Variants in GRID2 observed in about 807,000 individuals in gnomAD.
GRID2 encodes the protein glutamate receptor ionotropic, delta-2.
GRID2 carries 33 observed loss-of-function variants against 114.8 expected under a neutral mutation model. That is an observed-to-expected ratio of 0.29 (90% CI 0.22 to 0.38). The LOEUF (loss-of-function observed/expected upper bound fraction) is 0.38. Ranked by LOEUF, GRID2 falls within the 10% of genes least tolerant of loss-of-function variation. The pLI, the probability that GRID2 is intolerant of heterozygous loss-of-function variation, is 1.00. For missense variants in GRID2, 1,184 were observed against 1,257.7 expected (o/e 0.94, Z 0.89); for synonymous variants, 505 against 449.9 (o/e 1.12, Z -1.55).
chr4:93,763,127 T>A (rs544532564), intron 14 of GRID2, among the ~76,000 whole-genome samples: 1 of 152,212 alleles, frequency 6.6e-6, no homozygotes, highest in East Asian at 1.9e-4. Flanking sequence ...CAAAGCGAAT[T>A]CAAGGACCTG....
chr4:93,739,631 G>A (rs956218019), intron 14 of GRID2, among the ~76,000 whole-genome samples: 1 of 152,088 alleles, frequency 6.6e-6, no homozygotes, highest in African/African-American at 2.4e-5. Context: ...AGGAAAAGTT[G>A]CCACTATCCA....
intron 14 of GRID2, among the ~76,000 whole-genome samples, chr4:93,740,942 AG>A (rs1209868261): frequency 1.3e-5 from 2 of 151,342 alleles, no homozygotes; most frequent in Non-Finnish European, 2.9e-5. Flanking sequence ...CTTACCTGCA[AG>A]GAGTATTATG....
chr4:92,470,141 A>G (rs916038099), intron 1 of GRID2, among the ~76,000 whole-genome samples: 4 of 151,964 alleles, frequency 2.6e-5, no homozygotes, highest in African/African-American at 7.2e-5. Context: ...AAGAAAATAA[A>G]TAGGAGACTA....
intron 8 of GRID2, among the ~76,000 whole-genome samples, chr4:93,278,279 AC>A (rs1216120090): frequency 1.3e-5 from 2 of 151,348 alleles, no homozygotes; most frequent in Non-Finnish European, 2.9e-5. Flanking sequence ...AAAAAAAAAA[AC>A]ATGTTATTCG....
chr4:92,651,446 C>T (rs928131003), intron 2 of GRID2, among the ~76,000 whole-genome samples: 5 of 152,028 alleles, frequency 3.3e-5, no homozygotes, highest in Non-Finnish European at 5.9e-5. Context: ...TATTGGATGA[C>T]GATAGGAGTG....
rs530983130 is a variant in GRID2, at chr4:92,879,975, A to AT, written c.245-205012dup. 4.5e-4 allele frequency among the ~76,000 whole-genome samples: 68 copies of AT among 152,132 alleles called. No homozygotes were observed. In the East Asian group the frequency reaches 6.9e-3, roughly 16 times the overall value. On this transcript the variant is annotated intron_variant, in intron 2 of 15. Transcript: ENST00000282020. ...AATAAAAGAAAATTGTGTATTTATA[A>AT]TTTTTTTTACCAAACAGAAAGTTCA...
chr4:92,658,791 GTGTATATATA>G (rs70942921), intron 2 of GRID2, among the ~76,000 whole-genome samples: 1,373 of 111,182 alleles, frequency 0.012, 40 homozygotes, highest in African/African-American at 0.037. Flanking sequence ...GTGTGTGTGT[GTGTATATATA>G]TATATATATA....
chr4:92,306,737 G>A (rs1725427476), intron 1 of GRID2, among the ~76,000 whole-genome samples: 1 of 152,130 alleles, frequency 6.6e-6, no homozygotes, highest in Admixed American at 6.5e-5. Flanking sequence ...CAAAACTGTT[G>A]TATTTTTTAG....
At chr4:93,285,092 G>T (rs1753008994) in intron 8 of GRID2, among the ~76,000 whole-genome samples, 1 of 152,026 alleles carries the variant, frequency 6.6e-6, no homozygotes, top group African/African-American at 2.4e-5. Context: ...CACAGGCAAA[G>T]TGTTATAATT....
chr4:93,188,226 T>C (rs1740628163), intron 4 of GRID2, among the ~76,000 whole-genome samples: 1 of 152,194 alleles, frequency 6.6e-6, no homozygotes, highest in Non-Finnish European at 1.5e-5. Context: ...TCTCTGGAGC[T>C]TCATTTGAAA....
rs1320090236 is a variant in GRID2 at position 92,411,649 on chromosome 4, G to GTATA, written c.88+106906_88+106907insATAT. On this transcript the variant is annotated intron_variant, in intron 1 of 15. Coordinates refer to ENST00000282020, the MANE Select transcript of GRID2 (RefSeq NM_001510.4). ...CATGTGTGTGTGTGTGTGTGTGTGT[G>GTATA]TGTGTGTATATATATATATATATAT... Among the ~76,000 whole-genome samples the GTATA allele has an allele frequency of 4.1e-3, 387 of 94,842 alleles. 8 individuals carry two copies. Among genetic ancestry groups the GTATA allele is most frequent in the South Asian group, 0.029 (89 of 3,094 alleles). The allele number at this position is 94,842 out of a possible 152,430, so 62.2% of individuals were successfully genotyped here. A position where few individuals can be genotyped will look rare whatever the true frequency, so the allele number is the denominator to read the frequency against.
At chr4:93,263,583 A>T (rs1262580202) in intron 8 of GRID2, among the ~76,000 whole-genome samples, 1 of 152,102 alleles carries the variant, frequency 6.6e-6, no homozygotes, top group African/African-American at 2.4e-5. Context: ...ATCTTAGTAT[A>T]TTATATTTGA....
chr4:92,885,332 G>T (rs532622767), intron 2 of GRID2, among the ~76,000 whole-genome samples: 5 of 152,140 alleles, frequency 3.3e-5, no homozygotes, highest in Non-Finnish European at 7.3e-5. Flanking sequence ...GGTTGCAACA[G>T]CCTTTCCTTA....
chr4:92,617,390 A>G (rs1465615089), intron 2 of GRID2, among the ~76,000 whole-genome samples: 1 of 151,440 alleles, frequency 6.6e-6, no homozygotes, highest in Non-Finnish European at 1.5e-5. Context: ...CCCATCCCCG[A>G]CAGGCCCTGC....
chr4:93,718,825 A>G lies in GRID2; in HGVS notation c.2361-50385A>G, dbSNP rs573431797. On this transcript the variant is annotated intron_variant, in intron 14 of 15. Transcript: ENST00000282020. Reference sequence around the variant, plus strand: ...ATAACTAGTTGTAAGATGATGGTCAAATCATTTAATCTTCCATCCAAGAAC... The same window carrying G: ...ATAACTAGTTGTAAGATGATGGTCAGATCATTTAATCTTCCATCCAAGAAC... Among the ~76,000 whole-genome samples, 10 of 152,300 alleles carry G rather than the reference A, an allele frequency of 6.6e-5. No individual in the cohort carries two copies. In the East Asian group the frequency reaches 1.7e-3, roughly 26 times the overall value.
At chr4:93,786,209 A>G (rs979656847) in intron 1 of GRID2, among the ~76,000 whole-genome samples, 4 of 152,212 alleles carry the variant, frequency 2.6e-5, no homozygotes, top group South Asian at 2.1e-4. Context: ...GCCCCGGGTG[A>G]GAACAGTGTT....
chr4:92,546,447 C>T (rs769146856), intron 1 of GRID2, among the ~76,000 whole-genome samples: 1 of 152,090 alleles, frequency 6.6e-6, no homozygotes, highest in Non-Finnish European at 1.5e-5. Context: ...TATGACATTA[C>T]CAAGTTTTTC....
At chr4:92,975,133 GGCGACAGAGTGAGATTCC>G (rs1323915702) in intron 2 of GRID2, among the ~76,000 whole-genome samples, 1 of 101,746 alleles carries the variant, frequency 9.8e-6, no homozygotes, top group East Asian at 2.8e-4. Context: ...CTCCAGCCTG[GGCGACAGAGTGAGATTCC>G]GCCTCAAAAA....
intron 2 of GRID2, among the ~76,000 whole-genome samples, chr4:92,645,018 T>C (rs548007900): frequency 2.0e-5 from 3 of 151,668 alleles, no homozygotes; most frequent in East Asian, 3.9e-4. Context: ...ATATTTTAGA[T>C]CTAGCTTCTA....
Sources: gnomAD v4.1 joint callset for allele counts (sites outside exome capture counted in the v4.1 genomes callset) on GRCh38, gnomAD v4.1.1 for gene constraint, MANE v1.5 for transcripts, NCBI Gene and HGNC (gene_info 2026-07-23, HGNC 2026-07-21) for gene names.